The following PHF24 variants were observed in gnomAD, a reference collection of about 807,000 sequenced individuals.
PHF24 encodes the protein PHD finger protein 24.
Under a neutral mutation model 42.6 loss-of-function variants are expected in PHF24, and 25 were observed. The observed-to-expected ratio is 0.59, with a 90% CI of 0.43 to 0.82. PHF24 has a LOEUF of 0.82. Ranked by LOEUF, PHF24 falls within the 40% of genes least tolerant of loss-of-function variation. PHF24 has a pLI of 0.00. For missense variants in PHF24, 470 were observed against 538.1 expected (o/e 0.87, Z 1.25); for synonymous variants, 185 against 204.8 (o/e 0.90, Z 0.83).
chr9:34,825,096 A>G, the PHF24 span, among the ~76,000 whole-genome samples: 5 of 152,016 alleles, frequency 3.3e-5, no homozygotes, highest in African/African-American at 1.2e-4. Context: ...TAACTGGGGA[A>G]CCAGGACCTG....
chr9:34,897,904 T>TATCA, the PHF24 span, among the ~76,000 whole-genome samples: 3 of 152,232 alleles, frequency 2.0e-5, no homozygotes, highest in East Asian at 5.8e-4. Context: ...AGCTCCAACG[T>TATCA]ATCAGTGAGA....
the PHF24 span, chr9:34,922,213 C>T: frequency 6.3e-7 from 1 of 1,591,348 alleles, no homozygotes; most frequent in Non-Finnish European, 8.6e-7. Flanking sequence ...CCTGCTTCAG[C>T]TTTGTCTCCT....
chr9:34,764,592 CTTCT>C, the PHF24 span, among the ~76,000 whole-genome samples: 1 of 151,946 alleles, frequency 6.6e-6, no homozygotes, highest in South Asian at 2.1e-4. Flanking sequence ...TCTCTCTTTT[CTTCT>C]TTATTAGTCT....
At chr9:34,962,870 TG>T (rs1328322257) in intron 1 of PHF24, among the ~76,000 whole-genome samples, 2 of 152,242 alleles carry the variant, frequency 1.3e-5, no homozygotes, top group Non-Finnish European at 2.9e-5. Context: ...ATTAGAACTT[TG>T]TGAGCTTTCA....
chr9:34,909,313 G>T, the PHF24 span, among the ~76,000 whole-genome samples: 1 of 152,030 alleles, frequency 6.6e-6, no homozygotes, highest in East Asian at 1.9e-4. Context: ...GTTTAGTTTT[G>T]TCTGCCCAAC....
chr9:34,716,565 CTTTGTTTTGTTTTGT>C, the PHF24 span, among the ~76,000 whole-genome samples: 119 of 148,326 alleles, frequency 8.0e-4, 1 homozygote, highest in Middle Eastern at 3.4e-3. Flanking sequence ...TTTTGTTTTG[CTTTGTTTTGTTTTGT>C]TTTGTTTTGT....
the PHF24 span, among the ~76,000 whole-genome samples, chr9:34,675,301 T>C: frequency 2.6e-5 from 4 of 152,130 alleles, no homozygotes; most frequent in Non-Finnish European, 5.9e-5. Context: ...GCGTCTAGCA[T>C]ACGGGGAAAA....
chr9:34,939,684 G>T, the PHF24 span, among the ~76,000 whole-genome samples: 1 of 152,336 alleles, frequency 6.6e-6, no homozygotes, highest in African/African-American at 2.4e-5. Flanking sequence ...CACAGCACCA[G>T]CCAATTGTAT....
At chr9:34,812,406 A>G in the PHF24 span, among the ~76,000 whole-genome samples, 23 of 152,348 alleles carry the variant, frequency 1.5e-4, 2 homozygotes, top group South Asian at 4.6e-3. Flanking sequence ...GTTAAAAAGA[A>G]TCTCTATATG....
chr9:34,833,311 T>G, the PHF24 span: 7 of 1,551,238 alleles, frequency 4.5e-6, no homozygotes, highest in Non-Finnish European at 6.1e-6. Context: ...CCCCACTGGG[T>G]TGTGAGATCT....
chr9:34,893,095 G>C, the PHF24 span: 10 of 916,554 alleles, frequency 1.1e-5, no homozygotes, highest in East Asian at 2.1e-4. Flanking sequence ...AGATTTGGCA[G>C]CAGGGGTCTG....
chr9:34,864,378 G>GA, the PHF24 span, among the ~76,000 whole-genome samples: 1 of 152,108 alleles, frequency 6.6e-6, no homozygotes, highest in Non-Finnish European at 1.5e-5. Context: ...CAAGGACAAA[G>GA]GAAGGATTCT....
At chr9:34,976,555 G>A in exon 5 of PHF24, 1 of 1,613,434 alleles carries the variant, frequency 6.2e-7, no homozygotes, top group Non-Finnish European at 8.5e-7. Flanking sequence ...GACACTGGAG[G>A]ACTTTCTGCG....
the PHF24 span, among the ~76,000 whole-genome samples, chr9:34,936,802 C>T: frequency 2.0e-5 from 3 of 151,312 alleles, no homozygotes; most frequent in Non-Finnish European, 3.0e-5. Flanking sequence ...CCAGCCGCCC[C>T]GTCTGAGAAG....
chr9:34,976,506 G>T (rs1377755682), intron 4 of PHF24, 29 bp from the exon 5 acceptor site: 3 of 1,595,742 alleles, frequency 1.9e-6, no homozygotes, highest in Non-Finnish European at 2.6e-6. Flanking sequence ...GGAAGGATGG[G>T]CATGGCTAGC....
the PHF24 span, among the ~76,000 whole-genome samples, chr9:34,920,003 G>T: frequency 1.3e-5 from 2 of 152,114 alleles, no homozygotes; most frequent in African/African-American, 2.4e-5. Context: ...GAATAGTGCT[G>T]CAATAAACAT....
chr9:34,789,554 T>C, the PHF24 span, among the ~76,000 whole-genome samples: 5 of 152,264 alleles, frequency 3.3e-5, no homozygotes, highest in East Asian at 9.7e-4. Flanking sequence ...TGGGCCAGTG[T>C]CAGGAGTTTG....
chr9:34,854,278 G>C, the PHF24 span, among the ~76,000 whole-genome samples: 3 of 142,544 alleles, frequency 2.1e-5, no homozygotes, highest in Non-Finnish European at 4.5e-5. Context: ...GTCTCCTTCA[G>C]TTCTTTTCTG....
At chr9:34,922,373 A>T in the PHF24 span, 1 of 1,472,890 alleles carries the variant, frequency 6.8e-7, no homozygotes, top group South Asian at 1.1e-5. Context: ...TCTCTGGGGA[A>T]TTCAGAACGT....
Sources: allele counts gnomAD v4.1 joint callset (sites outside exome capture counted in the v4.1 genomes callset), GRCh38; gene constraint gnomAD v4.1.1; transcripts MANE v1.5; gene names NCBI Gene and HGNC (gene_info 2026-07-23, HGNC 2026-07-21).